Variants in SHROOM4 observed in about 807,000 individuals in gnomAD.
The protein encoded by SHROOM4 is shroom family member 4, also known as protein Shroom4.
SHROOM4 carries 17 observed loss-of-function variants against 80.3 expected under a neutral mutation model. The observed-to-expected ratio is 0.21, with a 90% CI of 0.14 to 0.32. SHROOM4 has a LOEUF of 0.32. Ranked by LOEUF, SHROOM4 falls within the 10% of genes least tolerant of loss-of-function variation. The pLI is 1.00. For missense variants in SHROOM4, 993 were observed against 1,140.3 expected (o/e 0.87, Z 1.86); for synonymous variants, 400 against 437.5 (o/e 0.91, Z 1.07).
intron 1 of SHROOM4, among the ~76,000 whole-genome samples, chrX:50,725,409 C>T (rs782605455): frequency 1.8e-5 from 2 of 112,223 alleles, no homozygotes; most frequent in Admixed American, 1.9e-4. Context: ...ATAGGTTCCA[C>T]GGTGGGAGGC....
intron 1 of SHROOM4, among the ~76,000 whole-genome samples, chrX:50,713,612 G>A (rs1363862222): frequency 8.9e-6 from 1 of 111,780 alleles, no homozygotes; most frequent in African/African-American, 3.3e-5. Context: ...TCCCACCTGG[G>A]TGACTTGTCT....
intron 2 of SHROOM4, among the ~76,000 whole-genome samples, chrX:50,642,646 G>A (rs1931646682): frequency 9.0e-6 from 1 of 110,972 alleles, no homozygotes; most frequent in Admixed American, 9.5e-5. Flanking sequence ...TGTATTTTTT[G>A]TAGAGATGGG....
chrX:50,750,389 G>A (rs1012663768), intron 1 of SHROOM4, among the ~76,000 whole-genome samples: 2 of 111,775 alleles, frequency 1.8e-5, no homozygotes, highest in Non-Finnish European at 3.8e-5. Flanking sequence ...CCTCCCCCGA[G>A]TAGCTGGGAT....
At chrX:50,745,588 C>G (rs1557267551) in intron 1 of SHROOM4, among the ~76,000 whole-genome samples, 2 of 111,621 alleles carry the variant, frequency 1.8e-5, no homozygotes, top group Non-Finnish European at 3.8e-5. Context: ...GGAATGGGAA[C>G]CCCCAATCTT....
rs190055943 is a variant in SHROOM4, at chrX:50,587,647, T to C, written c.*9048A>G. On this transcript the variant is annotated 3_prime_UTR_variant, in exon 9 of 9. Coordinates refer to ENST00000376020, the MANE Select transcript of SHROOM4 (RefSeq NM_020717.5). Reference sequence around the variant, plus strand: ...GTAATTGTATATTTATACTTATCTATCTCTTTCATTAGGATAAAAGCCCCA... The same window carrying C: ...GTAATTGTATATTTATACTTATCTACCTCTTTCATTAGGATAAAAGCCCCA... Among the ~76,000 whole-genome samples, 20 of 112,264 alleles carry C rather than the reference T, an allele frequency of 1.8e-4. No homozygotes were observed. The highest frequency in any genetic ancestry group is 3.4e-4 in the Non-Finnish European group (18 of 53,209).
At chrX:50,670,424 G>T (rs191044882) in intron 2 of SHROOM4, among the ~76,000 whole-genome samples, 78 of 111,218 alleles carry the variant, frequency 7.0e-4, no homozygotes, top group African/African-American at 2.5e-3. Flanking sequence ...CCATGTCCCT[G>T]CAAAGGACAT....
intron 2 of SHROOM4, among the ~76,000 whole-genome samples, chrX:50,654,303 G>C (rs1224797563): frequency 2.7e-5 from 3 of 111,146 alleles, no homozygotes; most frequent in African/African-American, 9.8e-5. Context: ...GCTTTTGTCT[G>C]GTTCCACAAT....
At chrX:50,798,267 A>G (rs906833798) in intron 1 of SHROOM4, among the ~76,000 whole-genome samples, 3 of 111,713 alleles carry the variant, frequency 2.7e-5, no homozygotes, top group African/African-American at 6.5e-5. Flanking sequence ...TACTGGTCCA[A>G]TGAATTCTGG....
chrX:50,597,105 C>A, intron 8 of SHROOM4, 141 bp from the exon 9 acceptor site: 1 of 743,288 alleles, frequency 1.3e-6, no homozygotes, highest in Non-Finnish European at 2.0e-6. Context: ...GATTTTCTGC[C>A]CTGAAGTCTA....
chrX:50,772,612 A>G (rs1179407846), intron 1 of SHROOM4, among the ~76,000 whole-genome samples: 1 of 111,958 alleles, frequency 8.9e-6, no homozygotes, highest in African/African-American at 3.2e-5. Flanking sequence ...CATTAAGAGC[A>G]TAACTGTTTC....
chrX:50,720,424 C>T lies in SHROOM4; in HGVS notation c.118-24487G>A, dbSNP rs781810434. ...GCTCAGAAACTCCTCCTTAGAGTCC[C>T]CAACTGAGAGTAAAGGAATCATTTT... is the stretch of plus-strand genomic sequence containing the variant. On this transcript the variant is annotated intron_variant, in intron 1 of 8. Transcript: ENST00000376020. Among the ~76,000 whole-genome samples, 523 of 112,185 alleles carry T rather than the reference C, an allele frequency of 4.7e-3. 1 individual carries two copies. Among genetic ancestry groups the T allele is most frequent in the Non-Finnish European group, 8.0e-3 (426 of 53,199 alleles).
chrX:50,789,795 G>GA (rs782480748), intron 1 of SHROOM4, among the ~76,000 whole-genome samples: 1 of 112,322 alleles, frequency 8.9e-6, no homozygotes, highest in African/African-American at 3.2e-5. Context: ...AATCATCAAT[G>GA]AAAGAGAAGA....
In SHROOM4 at chrX:50,685,057, G is replaced by A. The variant is rs782380021; in HGVS notation, c.269+10729C>T. Among the ~76,000 whole-genome samples, 15 of 111,989 alleles carry A rather than the reference G, an allele frequency of 1.3e-4. No individual in the cohort carries two copies. The South Asian group carries it at 5.6e-3, about 42-fold the overall frequency. On this transcript the variant is annotated intron_variant, in intron 2 of 8. Transcript: ENST00000376020. ...ATTACTGCTGATTGAAATAAATACAGAGATGTACTTTAGGAAGATTAATTT... is the reference window on the plus strand; with the variant it reads ...ATTACTGCTGATTGAAATAAATACAAAGATGTACTTTAGGAAGATTAATTT...
intron 2 of SHROOM4, among the ~76,000 whole-genome samples, chrX:50,645,739 C>A (rs1389404315): frequency 9.0e-6 from 1 of 111,578 alleles, no homozygotes; most frequent in Non-Finnish European, 1.9e-5. Flanking sequence ...GAGCTGAGTT[C>A]CAGATAACAT....
At chrX:50,625,564 C>T (rs1930764301) in intron 5 of SHROOM4, among the ~76,000 whole-genome samples, 3 of 111,152 alleles carry the variant, frequency 2.7e-5, no homozygotes, top group African/African-American at 9.8e-5. Context: ...TTTTTAATTT[C>T]CTGTAATATT....
At chrX:50,766,657 G>C (rs1935283459) in intron 1 of SHROOM4, among the ~76,000 whole-genome samples, 1 of 111,474 alleles carries the variant, frequency 9.0e-6, no homozygotes, top group Non-Finnish European at 1.9e-5. Context: ...CAGCTGTTGA[G>C]GAGTGGTAAA....
intron 1 of SHROOM4, among the ~76,000 whole-genome samples, chrX:50,744,024 C>T (rs1489074461): frequency 1.8e-5 from 2 of 111,392 alleles, no homozygotes; most frequent in African/African-American, 6.5e-5. Flanking sequence ...CCTCTGGCTG[C>T]TTTCAGGATT....
chrX:50,769,799 A>G (rs899279629), intron 1 of SHROOM4, among the ~76,000 whole-genome samples: 8 of 111,284 alleles, frequency 7.2e-5, no homozygotes, highest in Non-Finnish European at 9.4e-5. Context: ...AAATGCAAAA[A>G]TAACAACGTA....
At chrX:50,708,205 G>A (rs994389901) in intron 1 of SHROOM4, among the ~76,000 whole-genome samples, 2 of 112,194 alleles carry the variant, frequency 1.8e-5, no homozygotes, top group Non-Finnish European at 3.8e-5. Context: ...AAAAAGGCAT[G>A]TACAACTCTG....
Sources: gnomAD v4.1 joint callset for allele counts (sites outside exome capture counted in the v4.1 genomes callset) on GRCh38, gnomAD v4.1.1 for gene constraint, MANE v1.5 for transcripts, NCBI Gene and HGNC (gene_info 2026-07-23, HGNC 2026-07-21) for gene names.